HS6ST2: variants seen among roughly 807,000 people sequenced by gnomAD.
HS6ST2 encodes heparan sulfate 6-O-sulfotransferase 2, also known as heparan-sulfate 6-O-sulfotransferase 2.
In HS6ST2, 17 loss-of-function variants were observed where a neutral mutation model predicts 33.0. That is an observed-to-expected ratio of 0.52 (90% confidence interval 0.35 to 0.77). The LOEUF is 0.77. Among genes scored for constraint, HS6ST2 ranks in the 30% least tolerant of loss-of-function variants. The probability of loss-of-function intolerance (pLI) is 0.01; values close to 1 mark genes in which losing one functional copy is unlikely to be tolerated. For synonymous variants in HS6ST2, 248 were observed against 237.1 expected (o/e 1.05, Z -0.42); for missense variants, 519 against 551.7 (o/e 0.94, Z 0.59).
intron 2 of HS6ST2, among the ~76,000 whole-genome samples, chrX:132,951,774 C>T (rs1422149885): frequency 8.9e-6 from 1 of 112,022 alleles, no homozygotes; most frequent in Non-Finnish European, 1.9e-5. Flanking sequence ...ATCTGCTTTG[C>T]CGATTAGACC....
At chrX:132,818,195 A>T (rs1305468253) in intron 2 of HS6ST2, among the ~76,000 whole-genome samples, 2 of 111,106 alleles carry the variant, frequency 1.8e-5, no homozygotes, top group Non-Finnish European at 3.8e-5. Context: ...GTACTGTGTG[A>T]CACTCTTTCG....
intron 4 of HS6ST2, among the ~76,000 whole-genome samples, chrX:132,649,403 C>T (rs149371397): frequency 0.051 from 5,700 of 112,155 alleles, 131 homozygotes; most frequent in Non-Finnish European, 0.082. Flanking sequence ...AATGTGATTT[C>T]CTTCTGGAAT....
Position 132,926,469 on chromosome X carries a change from C to T in HS6ST2, c.947+30339G>A, listed in dbSNP as rs1017858459. Among the ~76,000 whole-genome samples, 21 of 112,425 alleles carry T rather than the reference C, an allele frequency of 1.9e-4. 1 individual carries two copies. Among genetic ancestry groups the T allele is most frequent in the South Asian group, 3.7e-4 (1 of 2,708 alleles). Reference sequence around the variant, plus strand: ...TCTAAGGTTTAGCATCCCATTTGGTCCAGAACAGCCTCTTCCAATCCTGTC... The same window carrying T: ...TCTAAGGTTTAGCATCCCATTTGGTTCAGAACAGCCTCTTCCAATCCTGTC... On this transcript the variant is annotated intron_variant, in intron 2 of 4. Coordinates refer to ENST00000370833, the MANE Select transcript of HS6ST2 (RefSeq NM_001394073.1).
chrX:132,642,970 G>A (rs894155162), intron 4 of HS6ST2, among the ~76,000 whole-genome samples: 2 of 112,017 alleles, frequency 1.8e-5, no homozygotes, highest in African/African-American at 6.5e-5. Flanking sequence ...GGAGTCACGG[G>A]GCAGTTGCCC....
Position 132,958,403 on chromosome X carries a change from A to G in HS6ST2, c.200T>C (p.Leu67Pro). 1.7e-6 allele frequency: 2 copies of G among 1,197,382 alleles called. No individual in the cohort carries two copies. Among genetic ancestry groups the G allele is most frequent in the Non-Finnish European group, 2.2e-6 (2 of 891,550 alleles). The stretch of plus-strand genomic sequence containing the variant: ...AGACGCCTTTCGGGGCTTGTCCAGG[A>G]GCGGCCGGGTGTGGAATCCGTGAGA... Reference protein sequence around the residue: ...GVSHGFHTRPLLDKPRKASSS... With the variant: ...GVSHGFHTRPPLDKPRKASSS... Residue 67 changes from leucine (L) to proline (P), a missense_variant, in exon 1 of 5, where the codon CTC becomes CCC. Coordinates refer to ENST00000370833, the MANE Select transcript of HS6ST2 (RefSeq NM_001394073.1).
chrX:132,930,932 T>A (rs767566306), intron 2 of HS6ST2, among the ~76,000 whole-genome samples: 1 of 110,953 alleles, frequency 9.0e-6, no homozygotes, highest in Non-Finnish European at 1.9e-5. Context: ...TCCCTGAACA[T>A]AATGTATAAT....
intron 2 of HS6ST2, among the ~76,000 whole-genome samples, chrX:132,775,480 C>T (rs2064948128): frequency 8.9e-6 from 1 of 111,908 alleles, no homozygotes; most frequent in Non-Finnish European, 1.9e-5. Flanking sequence ...CTTATCCTAC[C>T]TCAGATATGT....
chrX:132,811,402 A>G (rs2065342086), intron 2 of HS6ST2, among the ~76,000 whole-genome samples: 1 of 108,857 alleles, frequency 9.2e-6, no homozygotes. Flanking sequence ...CATTAAGTAC[A>G]TTCACATTGT....
chrX:132,878,509 G>A (rs1160962479), intron 2 of HS6ST2, among the ~76,000 whole-genome samples: 1 of 111,796 alleles, frequency 8.9e-6, no homozygotes, highest in African/African-American at 3.3e-5. Context: ...CAAGGCTGTA[G>A]CAATTGGATC....
At chrX:132,876,378 T>C (rs749947668) in intron 2 of HS6ST2, among the ~76,000 whole-genome samples, 5 of 112,263 alleles carry the variant, frequency 4.5e-5, no homozygotes, top group South Asian at 3.7e-4. Context: ...AATCTTTCAG[T>C]AGTTCTTTCA....
rs1556443168 is a variant in HS6ST2 at position 132,787,198 on chromosome X, T to TATATAC, written c.948-78705_948-78704insGTATAT. On this transcript the variant is annotated intron_variant, in intron 2 of 4. Transcript: ENST00000370833. ...ATATATATATATATACATATATATA[T>TATATAC]ACACATATATATATACACATATATA... Among the ~76,000 whole-genome samples the TATATAC allele has an allele frequency of 9.1e-4, 73 of 80,067 alleles. 1 individual carries two copies. Among genetic ancestry groups the TATATAC allele is most frequent in the African/African-American group, 3.4e-3 (60 of 17,793 alleles). 69.5% of individuals were successfully genotyped at this position (80,067 alleles called of 115,157 possible).
chrX:132,883,248 T>C (rs2066202542), intron 2 of HS6ST2, among the ~76,000 whole-genome samples: 1 of 111,361 alleles, frequency 9.0e-6, no homozygotes, highest in Non-Finnish European at 1.9e-5. Context: ...GCTGTGAATC[T>C]GTCTGGTCCT....
chrX:132,933,358 G>A (rs745442035), intron 2 of HS6ST2, among the ~76,000 whole-genome samples: 28 of 110,746 alleles, frequency 2.5e-4, no homozygotes, highest in African/African-American at 5.3e-4. Flanking sequence ...CAAGGCTTCC[G>A]CAGACAATTT....
intron 3 of HS6ST2, among the ~76,000 whole-genome samples, chrX:132,705,876 C>G (rs1433721611): frequency 3.6e-5 from 4 of 111,714 alleles, no homozygotes; most frequent in Non-Finnish European, 5.6e-5. Flanking sequence ...TGTCTCATTG[C>G]CAGGTGATTT....
intron 2 of HS6ST2, among the ~76,000 whole-genome samples, chrX:132,921,465 T>C (rs988549613): frequency 8.9e-6 from 1 of 112,453 alleles, no homozygotes; most frequent in Admixed American, 9.4e-5. Context: ...AGGTTGAATT[T>C]ATGGTGCTTA....
chrX:132,738,957 G>T (rs758303726), intron 2 of HS6ST2, among the ~76,000 whole-genome samples: 1 of 112,078 alleles, frequency 8.9e-6, no homozygotes, highest in African/African-American at 3.2e-5. Context: ...CTCAGAGTGG[G>T]AGTCAGGAAA....
At chrX:132,951,585 C>T (rs745705534) in intron 2 of HS6ST2, among the ~76,000 whole-genome samples, 6 of 111,799 alleles carry the variant, frequency 5.4e-5, no homozygotes, top group Non-Finnish European at 7.5e-5. Flanking sequence ...AGGAAAAGGG[C>T]CTGTCCAAAA....
At chrX:132,875,939 G>GA (rs375217686) in intron 2 of HS6ST2, among the ~76,000 whole-genome samples, 131 of 101,065 alleles carry the variant, frequency 1.3e-3, no homozygotes, top group East Asian at 1.8e-3. Context: ...AGTGATCCAA[G>GA]AAAAAAAAAA....
At chrX:132,799,025 A>T (rs1270764668) in intron 2 of HS6ST2, among the ~76,000 whole-genome samples, 1 of 111,979 alleles carries the variant, frequency 8.9e-6, no homozygotes, top group African/African-American at 3.2e-5. Flanking sequence ...GAATAGCATT[A>T]TTCCACTTTA....
Sources: gnomAD v4.1 joint callset for allele counts (sites outside exome capture counted in the v4.1 genomes callset) on GRCh38, gnomAD v4.1.1 for gene constraint, MANE v1.5 for transcripts, NCBI Gene and HGNC (gene_info 2026-07-23, HGNC 2026-07-21) for gene names.